The following ABCB5 variants were observed in gnomAD, a reference collection of about 807,000 sequenced individuals.
ABCB5 encodes the protein ATP-binding cassette sub-family B member 5.
Under a neutral mutation model 144.2 loss-of-function variants are expected in ABCB5, and 155 were observed. The ratio of observed to expected loss-of-function variants is 1.08; its 90% CI spans 0.94 to 1.23. The LOEUF is 1.23. Among genes scored for constraint, ABCB5 ranks in the 50% most tolerant of loss-of-function variants. ABCB5 has a pLI of 0.00. For missense variants in ABCB5, 1,830 were observed against 1,520.8 expected (o/e 1.20, Z -3.38); for synonymous variants, 610 against 528.6 (o/e 1.15, Z -2.11).
intron 23 of ABCB5, among the ~76,000 whole-genome samples, chr7:20,733,854 G>A (rs559693086): frequency 7.2e-5 from 11 of 152,068 alleles, no homozygotes; most frequent in African/African-American, 2.2e-4. Flanking sequence ...TGGCCAGGCC[G>A]GTCTCAAACT....
At chr7:20,638,718 T>G (rs1583384480) in intron 5 of ABCB5, among the ~76,000 whole-genome samples, 1 of 152,222 alleles carries the variant, frequency 6.6e-6, no homozygotes, top group African/African-American at 2.4e-5. Context: ...TTAGTAGTAA[T>G]CCATTGCAAG....
chr7:20,720,876 G>A (rs1479921279), intron 20 of ABCB5, among the ~76,000 whole-genome samples: 2 of 148,012 alleles, frequency 1.4e-5, no homozygotes, highest in Admixed American at 6.8e-5. Context: ...CCCGGGAGGC[G>A]GAGCTTGCAG....
At chr7:20,684,825 T>TG (rs539585545) in intron 15 of ABCB5, among the ~76,000 whole-genome samples, 201 of 152,318 alleles carry the variant, frequency 1.3e-3, no homozygotes, top group South Asian at 9.3e-3. Flanking sequence ...CTCTTCCATG[T>TG]GCACATTCTC....
intron 16 of ABCB5, among the ~76,000 whole-genome samples, chr7:20,698,189 T>C (rs975965527): frequency 5.9e-5 from 9 of 152,082 alleles, no homozygotes; most frequent in African/African-American, 1.2e-4. Flanking sequence ...AAAAGTGATA[T>C]TGCACAAATA....
intron 4 of ABCB5, among the ~76,000 whole-genome samples, chr7:20,630,254 A>G (rs1031948160): frequency 3.9e-5 from 6 of 152,258 alleles, no homozygotes; most frequent in African/African-American, 1.4e-4. Flanking sequence ...AAAATAACTC[A>G]TTACAACCCA....
chr7:20,714,943 T>G (rs1781624086), intron 20 of ABCB5, among the ~76,000 whole-genome samples: 1 of 152,212 alleles, frequency 6.6e-6, no homozygotes, highest in South Asian at 2.1e-4. Flanking sequence ...CGTGGCTCTG[T>G]GAAGTATTTC....
At chr7:20,668,594 G>GGT (rs1554282725) in intron 14 of ABCB5, among the ~76,000 whole-genome samples, 3 of 145,100 alleles carry the variant, frequency 2.1e-5, no homozygotes, top group African/African-American at 8.3e-5. Flanking sequence ...GGGAGGTGGG[G>GGT]GGGGGGGTCA....
In ABCB5 at chr7:20,645,637, G is replaced by A. The variant is rs910966733; in HGVS notation, c.679-119G>A. 8 of 1,276,348 alleles carry A rather than the reference G, an allele frequency of 6.3e-6. No homozygotes were observed. The African/African-American group carries it at 9.0e-5, about 14-fold the overall frequency. 79.1% of individuals were successfully genotyped at this position (1,276,348 alleles called of 1,614,324 possible). ...GAAGACAAATTTTTAAAAATACAGAGATAAAGTCTAAAAAAATACCATTAG... is the reference window on the plus strand; with the variant it reads ...GAAGACAAATTTTTAAAAATACAGAAATAAAGTCTAAAAAAATACCATTAG... On this transcript the variant is annotated intron_variant, in intron 7 of 27. Coordinates refer to ENST00000404938, the MANE Select transcript of ABCB5 (RefSeq NM_001163941.2).
intron 23 of ABCB5, among the ~76,000 whole-genome samples, chr7:20,734,869 T>C (rs1304288203): frequency 6.6e-6 from 1 of 152,234 alleles, no homozygotes; most frequent in South Asian, 2.1e-4. Context: ...TTAGTCCTGG[T>C]AACACATTCT....
intron 23 of ABCB5, among the ~76,000 whole-genome samples, chr7:20,730,901 T>A (rs1194153324): frequency 6.6e-6 from 1 of 152,184 alleles, no homozygotes; most frequent in East Asian, 1.9e-4. Context: ...TCCTTCTGTA[T>A]AACTAGTTTT....
chr7:20,634,557 T>A (rs1318602171), intron 5 of ABCB5, among the ~76,000 whole-genome samples: 1 of 152,054 alleles, frequency 6.6e-6, no homozygotes, highest in Non-Finnish European at 1.5e-5. Context: ...CTCACCAACA[T>A]CTGTTATTAT....
At chr7:20,661,400 A>G (rs1784997382) in intron 14 of ABCB5, among the ~76,000 whole-genome samples, 1 of 152,220 alleles carries the variant, frequency 6.6e-6, no homozygotes, top group Non-Finnish European at 1.5e-5. Context: ...TGAGTGATTA[A>G]CTGCAGCATC....
intron 20 of ABCB5, among the ~76,000 whole-genome samples, chr7:20,710,094 G>T (rs1389188041): frequency 6.8e-6 from 1 of 147,952 alleles, no homozygotes; most frequent in Non-Finnish European, 1.5e-5. Flanking sequence ...GTAGCCAGGG[G>T]TGGTGGCTCA....
chr7:20,752,011 G>A (rs1438477941), intron 26 of ABCB5, among the ~76,000 whole-genome samples: 1 of 152,196 alleles, frequency 6.6e-6, no homozygotes, highest in East Asian at 1.9e-4. Context: ...TTTGTTATAA[G>A]GTTATACCAC....
Position 20,728,321 on chromosome 7 carries a change from C to T in ABCB5, c.2733C>T (p.Thr911=). ...TAAATTTTGTACATTCCAGAAATACCTCGAAGAAAGCACAGATTATTGGAA... is the reference window on the plus strand; with the variant it reads ...TAAATTTTGTACATTCCAGAAATACTTCGAAGAAAGCACAGATTATTGGAA... ...EEMLQTQHRN[T]SKKAQIIGSC... is the part of the protein sequence containing the mutation. The change falls in exon 23 of 28, where the codon ACC becomes ACT. Residue 911 remains threonine, a synonymous_variant. Transcript: ENST00000404938. The T allele has an allele frequency of 6.2e-7, 1 of 1,613,462 alleles. No homozygotes were observed. The highest frequency in any genetic ancestry group is 8.5e-7 in the Non-Finnish European group (1 of 1,179,684).
intron 27 of ABCB5, among the ~76,000 whole-genome samples, chr7:20,754,743 C>G (rs1269159672): frequency 6.6e-6 from 1 of 152,088 alleles, no homozygotes; most frequent in African/African-American, 2.4e-5. Flanking sequence ...GAGTTTAGAA[C>G]TACTCAAAGA....
chr7:20,688,969 G>A (rs1459923324), intron 16 of ABCB5, among the ~76,000 whole-genome samples: 2 of 151,828 alleles, frequency 1.3e-5, no homozygotes, highest in Non-Finnish European at 2.9e-5. Context: ...GTCTGTGGTG[G>A]GGTGGGGAGA....
chr7:20,675,157 A>T (rs868737404), intron 14 of ABCB5, among the ~76,000 whole-genome samples: 1 of 152,098 alleles, frequency 6.6e-6, no homozygotes. Context: ...TAAAATTAAT[A>T]AGAAACCACA....
chr7:20,659,726 A>G (rs1166184952), intron 14 of ABCB5: 6 of 985,940 alleles, frequency 6.1e-6, no homozygotes, highest in South Asian at 9.4e-5. Flanking sequence ...TATTTAGACT[A>G]TATTCAAGCC....
Sources: allele counts gnomAD v4.1 joint callset (sites outside exome capture counted in the v4.1 genomes callset), GRCh38; gene constraint gnomAD v4.1.1; transcripts MANE v1.5; gene names NCBI Gene and HGNC (gene_info 2026-07-23, HGNC 2026-07-21).